WDR17: variants seen among roughly 807,000 people sequenced by gnomAD.
WDR17 encodes WD repeat domain 17, also known as WD repeat-containing protein 17.
Under a neutral mutation model 161.7 loss-of-function variants are expected in WDR17, and 143 were observed. The ratio of observed to expected loss-of-function variants is 0.88; its 90% CI spans 0.77 to 1.02. The LOEUF (loss-of-function observed/expected upper bound fraction) is 1.02. Ranked by LOEUF, WDR17 falls within the 50% of genes least tolerant of loss-of-function variation. WDR17 has a pLI of 0.00. For synonymous variants in WDR17, 517 were observed against 515.6 expected (o/e 1.00, Z -0.04); for missense variants, 1,469 against 1,520.9 (o/e 0.97, Z 0.57).
At chr4:176,109,348 T>C (rs1189137769) in intron 1 of WDR17, among the ~76,000 whole-genome samples, 1 of 152,158 alleles carries the variant, frequency 6.6e-6, no homozygotes, top group African/African-American at 2.4e-5. Context: ...GTGTATATCT[T>C]TTTTATTTAC....
At chr4:176,140,343 T>G (rs541479605) in intron 10 of WDR17, among the ~76,000 whole-genome samples, 123 of 152,208 alleles carry the variant, frequency 8.1e-4, no homozygotes, top group African/African-American at 2.8e-3. Flanking sequence ...ATTCAGCATA[T>G]ATTAAGTGCC....
chr4:176,096,179 T>A (rs566565950), intron 1 of WDR17, among the ~76,000 whole-genome samples: 1 of 152,222 alleles, frequency 6.6e-6, no homozygotes, highest in East Asian at 1.9e-4. Flanking sequence ...ATTTTTAACT[T>A]GGTAACTTTT....
intron 1 of WDR17, among the ~76,000 whole-genome samples, chr4:176,097,469 A>G (rs926888232): frequency 1.3e-5 from 2 of 151,886 alleles, no homozygotes; most frequent in Non-Finnish European, 2.9e-5. Context: ...TAAATCCTCA[A>G]CAGTTTAAAG....
At chr4:176,146,564 G>A (rs1561176129) in intron 12 of WDR17, among the ~76,000 whole-genome samples, 2 of 152,172 alleles carry the variant, frequency 1.3e-5, no homozygotes, top group African/African-American at 4.8e-5. Context: ...GAGAGCCTCA[G>A]ACACTCATTT....
chr4:176,132,857 C>A lies in WDR17; in HGVS notation c.1098+1119C>A, dbSNP rs13327956. Reference sequence around the variant, plus strand: ...ATACACTTAAATCTATAAAAAAAAACTAGTAAGAACAGCAGGATATACTGT... The same window carrying A: ...ATACACTTAAATCTATAAAAAAAAAATAGTAAGAACAGCAGGATATACTGT... On this transcript the variant is annotated intron_variant, in intron 7 of 28. Coordinates refer to ENST00000508596, the MANE Select transcript of WDR17 (RefSeq NM_181265.4). 1.3e-3 allele frequency among the ~76,000 whole-genome samples: 192 copies of A among 151,488 alleles called. 1 individual carries two copies. Among genetic ancestry groups the A allele is most frequent in the Middle Eastern group, 3.5e-3 (1 of 288 alleles).
chr4:176,118,298 A>T (rs571352233), intron 3 of WDR17, among the ~76,000 whole-genome samples: 1 of 152,304 alleles, frequency 6.6e-6, no homozygotes, highest in Admixed American at 6.5e-5. Context: ...CTAAATATAC[A>T]GTCGGAGAAC....
At chr4:176,163,379 A>G in intron 22 of WDR17, 86 bp downstream of exon 22, 1 of 1,402,972 alleles carries the variant, frequency 7.1e-7, no homozygotes, top group Non-Finnish European at 9.6e-7. Context: ...TAAGATATGC[A>G]TTGGGAGAAT....
At position 176,142,034 on chromosome 4, in the gene WDR17, TG is replaced by T; in HGVS notation, c.1495del (p.Ala499GlnfsTer14). The T allele has an allele frequency of 6.2e-7, 1 of 1,611,326 alleles. No homozygotes were observed. The highest frequency in any genetic ancestry group is 8.5e-7 in the Non-Finnish European group (1 of 1,178,416). The part of the protein sequence containing the change: ...KVLHKYKHPA[A>X]VFGCDWSQNN... ...TGCTACACAAATATAAACATCCAGC[TG>T]CAGTGTTTGGTTGTGATTGGAGCCA... On this transcript the variant is annotated frameshift_variant, in exon 11 of 29. Transcript: ENST00000508596. LOFTEE classifies it high-confidence loss of function.
rs774171600 is a variant in WDR17 at position 176,160,081 on chromosome 4, T to C, written c.2613T>C (p.Phe871=). 1.2e-6 allele frequency: 2 copies of C among 1,613,960 alleles called. No homozygotes were observed. Among genetic ancestry groups the C allele is most frequent in the East Asian group, 2.2e-5 (1 of 44,876 alleles). Reference sequence around the variant, plus strand: ...GTGATGTGAAAAAGCTAGTCCATTTTTTCATGTCAAGAGGTCAGCTTAAAG... The same window carrying C: ...GTGATGTGAAAAAGCTAGTCCATTTCTTCATGTCAAGAGGTCAGCTTAAAG... ...AIGDVKKLVH[F]FMSRGQLKEA... The change falls in exon 19 of 29, where the codon TTT becomes TTC. Residue 871 remains phenylalanine, a synonymous_variant. Transcript: ENST00000508596.
At chr4:176,120,817 T>C (rs189401369) in intron 4 of WDR17, among the ~76,000 whole-genome samples, 1 of 151,958 alleles carries the variant, frequency 6.6e-6, no homozygotes, top group East Asian at 1.9e-4. Context: ...ACACGATAAC[T>C]ACTTTCACAA....
intron 1 of WDR17, among the ~76,000 whole-genome samples, chr4:176,071,398 C>T (rs1733226074): frequency 6.6e-6 from 1 of 150,874 alleles, no homozygotes; most frequent in Non-Finnish European, 1.5e-5. Context: ...TCTAGGCTCA[C>T]TGCAACCTCC....
At chr4:176,152,294 C>CAAAAAGAAAAAAA (rs1747272927) in intron 17 of WDR17, among the ~76,000 whole-genome samples, 2 of 72,162 alleles carry the variant, frequency 2.8e-5, no homozygotes, top group African/African-American at 1.1e-4. Flanking sequence ...GACCCTATCT[C>CAAAAAGAAAAAAA]AAAAAAAAAA....
rs1164249050 is a variant in WDR17, at chr4:176,160,916, T to C, written c.2664T>C (p.Ala888=). ...AACATTTAATTAAATTCTAGGCTGC[T>C]TGTGAAGGAAATATGCAGCCCTTAC... The part of the protein sequence containing the change: ...LKEALLVAQA[A]CEGNMQPLHV... The change falls in exon 20 of 29, where the codon GCT becomes GCC. Residue 888 remains alanine, a synonymous_variant. Transcript: ENST00000508596. 1.9e-6 allele frequency: 3 copies of C among 1,593,426 alleles called. No homozygotes were observed. The East Asian group carries it at 6.8e-5, about 36-fold the overall frequency.
intron 22 of WDR17, among the ~76,000 whole-genome samples, chr4:176,167,644 C>CA (rs34187946): frequency 0.38 from 8,961 of 23,688 alleles, 2,353 homozygotes; most frequent in Non-Finnish European, 0.44. Flanking sequence ...GACTCCGTCT[C>CA]AAAAAAAAAA....
At chr4:176,165,759 A>G (rs1749683019) in intron 22 of WDR17, among the ~76,000 whole-genome samples, 1 of 152,224 alleles carries the variant, frequency 6.6e-6, no homozygotes, top group African/African-American at 2.4e-5. Context: ...AGTATGTTAC[A>G]TAATATGATT....
intron 7 of WDR17, among the ~76,000 whole-genome samples, chr4:176,134,810 A>G (rs550622925): frequency 4.4e-4 from 67 of 151,796 alleles, no homozygotes; most frequent in African/African-American, 1.5e-3. Flanking sequence ...AATAGAAAAT[A>G]TCTTTTGCAC....
In WDR17 at chr4:176,137,607, A is replaced by G; in HGVS notation, c.1355A>G (p.Asn452Ser). The change falls in exon 9 of 29, where the codon AAT becomes AGT. Residue 452 changes from asparagine (N) to serine (S), a missense_variant. Coordinates refer to ENST00000508596, the MANE Select transcript of WDR17 (RefSeq NM_181265.4). ...VQKGKIIQRF[N>S]EHGTNGIFCI... is the part of the protein sequence containing the mutation. ...AAGGGCAAAATTATACAACGATTTA[A>G]TGAGGTAAGATTTATTTATTGCTAC... The G allele has an allele frequency of 6.3e-7, 1 of 1,580,088 alleles. No individual in the cohort carries two copies.
In WDR17 at chr4:176,119,911, G is replaced by C. The variant is rs1390575976; in HGVS notation, c.352G>C (p.Val118Leu). The C allele has an allele frequency of 5.6e-6, 9 of 1,613,976 alleles. No individual in the cohort carries two copies. Among genetic ancestry groups the C allele is most frequent in the Non-Finnish European group, 6.8e-6 (8 of 1,180,016 alleles). ...TTGGTGCTGGAATGCAGAGGATGTGGTGGCATTTGTTTCCCACAGAGGCCC... is the reference window on the plus strand; with the variant it reads ...TTGGTGCTGGAATGCAGAGGATGTGCTGGCATTTGTTTCCCACAGAGGCCC... ...LSWCWNAEDV[V>L]AFVSHRGPLF... Residue 118 changes from valine to leucine, a missense_variant, in exon 4 of 29, where the codon GTG becomes CTG. By Grantham distance (32) the Val-to-Leu change is conservative. Transcript: ENST00000508596.
At chr4:176,109,590 G>A (rs1239160644) in intron 1 of WDR17, among the ~76,000 whole-genome samples, 1 of 152,178 alleles carries the variant, frequency 6.6e-6, no homozygotes, top group Admixed American at 6.5e-5. Context: ...TGAGAAGAAA[G>A]TAGATCCTTT....
Sources: gnomAD v4.1 joint callset for allele counts (sites outside exome capture counted in the v4.1 genomes callset) on GRCh38, gnomAD v4.1.1 for gene constraint, MANE v1.5 for transcripts, NCBI Gene and HGNC (gene_info 2026-07-23, HGNC 2026-07-21) for gene names.